Variants in MECOM observed in about 807,000 individuals in gnomAD.
MECOM encodes the protein histone-lysine N-methyltransferase MECOM.
In MECOM, 13 loss-of-function variants were observed where a neutral mutation model predicts 116.3. The ratio of observed to expected loss-of-function variants is 0.11; its 90% CI spans 0.07 to 0.18. The LOEUF (loss-of-function observed/expected upper bound fraction) is 0.18, where lower values mean the gene tolerates loss of function less well. Ranked by LOEUF, MECOM falls within the 10% of genes least tolerant of loss-of-function variation. The pLI, the probability that MECOM is intolerant of heterozygous loss-of-function variation, is 1.00. For missense variants in MECOM, 1,299 were observed against 1,509.0 expected, an observed-to-expected ratio of 0.86 and a Z score of 2.31; for synonymous variants, 528 against 535.2, an observed-to-expected ratio of 0.99 and a Z score of 0.19.
intron 5 of MECOM, among the ~76,000 whole-genome samples, chr3:169,124,356 GAGAGACAGAC>G (rs943114360): frequency 1.2e-4 from 19 of 152,190 alleles, no homozygotes; most frequent in South Asian, 4.2e-4. Context: ...GTGGTGGAGA[GAGAGACAGAC>G]AGAGACAGAA....
intron 2 of MECOM, among the ~76,000 whole-genome samples, chr3:169,264,400 TG>T (rs1323303209): frequency 6.6e-6 from 1 of 152,216 alleles, no homozygotes; most frequent in Non-Finnish European, 1.5e-5. Flanking sequence ...TACATGTCTT[TG>T]TTTTTATTGT....
intron 1 of MECOM, among the ~76,000 whole-genome samples, chr3:169,560,534 T>C (rs1199570857): frequency 6.6e-6 from 1 of 152,122 alleles, no homozygotes; most frequent in Non-Finnish European, 1.5e-5. Context: ...TCTAAGAAAA[T>C]AATATAAAAT....
intron 1 of MECOM, among the ~76,000 whole-genome samples, chr3:169,563,261 C>G (rs1219534131): frequency 6.6e-6 from 1 of 152,180 alleles, no homozygotes; most frequent in African/African-American, 2.4e-5. Flanking sequence ...CCCTGGAGAA[C>G]AGGCATGGGG....
chr3:169,318,645 T>C (rs988204979), intron 2 of MECOM, among the ~76,000 whole-genome samples: 1 of 152,072 alleles, frequency 6.6e-6, no homozygotes, highest in African/African-American at 2.4e-5. Flanking sequence ...TGTGGATAAA[T>C]AGGAATGCTT....
intron 1 of MECOM, among the ~76,000 whole-genome samples, chr3:169,657,770 C>T (rs1000819297): frequency 2.0e-5 from 3 of 152,242 alleles, no homozygotes; most frequent in African/African-American, 7.2e-5. Context: ...AGCAATATGT[C>T]ACACTTTTGA....
intron 2 of MECOM, among the ~76,000 whole-genome samples, chr3:169,319,177 A>G (rs1024992352): frequency 1.3e-5 from 2 of 152,186 alleles, no homozygotes; most frequent in Non-Finnish European, 2.9e-5. Context: ...AAACAACCCA[A>G]ATGCCCATCA....
intron 1 of MECOM, among the ~76,000 whole-genome samples, chr3:169,582,806 A>C (rs747149486): frequency 1.3e-5 from 2 of 152,240 alleles, no homozygotes; most frequent in African/African-American, 2.4e-5. Flanking sequence ...GTTCCTTCCT[A>C]GAGCCTTCCT....
chr3:169,495,913 G>A (rs763764508), intron 1 of MECOM, among the ~76,000 whole-genome samples: 6 of 152,180 alleles, frequency 3.9e-5, no homozygotes, highest in Non-Finnish European at 5.9e-5. Flanking sequence ...TAAGACTGAT[G>A]TGAGGATCTC....
intron 2 of MECOM, chr3:169,269,344 C>T (rs2149647208): frequency 6.7e-6 from 1 of 150,194 alleles, no homozygotes; most frequent in East Asian, 2.0e-4. Context: ...CATCCTGTAT[C>T]TGTATACAGC....
In MECOM at chr3:169,522,832, G is replaced by T. The variant is rs2077971; in HGVS notation, c.37+140504C>A. ...CACTTGGCCAGATTTTATAAGTAGT[G>T]CTCTGAAGTAGTGAATGTTTTTAGT... On this transcript the variant is annotated intron_variant, in intron 1 of 16. Transcript: ENST00000651503. 0.017 allele frequency among the ~76,000 whole-genome samples: 2,660 copies of T among 152,282 alleles called. 235 individuals are homozygous for T. The East Asian group carries it at 0.3, about 17-fold the overall frequency.
chr3:169,340,794 T>C (rs1411383842), intron 2 of MECOM, among the ~76,000 whole-genome samples: 1 of 152,172 alleles, frequency 6.6e-6, no homozygotes, highest in Non-Finnish European at 1.5e-5. Context: ...TCAAGATGAT[T>C]TAGGGGATAA....
In MECOM at chr3:169,663,398, G is replaced by C. The variant is rs750226492; in HGVS notation, c.-26C>G. 1.2e-6 allele frequency: 2 copies of C among 1,604,990 alleles called. No homozygotes were observed. Among genetic ancestry groups the C allele is most frequent in the South Asian group, 2.2e-5 (2 of 89,068 alleles). ...GCTGTGCCCAGTCCTGCAGCCGCTG[G>C]TGTGTGGTTGGGGCTTTTTTTTCTT... is the stretch of plus-strand genomic sequence containing the variant. On this transcript the variant is annotated 5_prime_UTR_variant, in exon 1 of 17. Coordinates refer to ENST00000651503, the MANE Select transcript of MECOM (RefSeq NM_004991.4).
intron 2 of MECOM, among the ~76,000 whole-genome samples, chr3:169,230,181 C>A (rs945138311): frequency 5.9e-5 from 9 of 151,922 alleles, no homozygotes; most frequent in Non-Finnish European, 7.4e-5. Context: ...CCCTCCAGGC[C>A]AGAACTTTGA....
At chr3:169,433,214 A>G (rs1055750477) in intron 1 of MECOM, among the ~76,000 whole-genome samples, 3 of 152,208 alleles carry the variant, frequency 2.0e-5, no homozygotes, top group Admixed American at 6.5e-5. Flanking sequence ...CACACCTGTA[A>G]TCACAGCACT....
intron 2 of MECOM, among the ~76,000 whole-genome samples, chr3:169,190,015 G>T (rs974873830): frequency 3.9e-5 from 6 of 151,942 alleles, no homozygotes; most frequent in African/African-American, 1.4e-4. Context: ...TGTAGCAGAT[G>T]GGCTGCTTAT....
intron 2 of MECOM, chr3:169,269,343 T>C (rs1758668992): frequency 6.6e-6 from 1 of 151,204 alleles, no homozygotes; most frequent in South Asian, 2.1e-4. Flanking sequence ...CCATCCTGTA[T>C]CTGTATACAG....
chr3:169,387,523 A>T (rs1274744123), intron 1 of MECOM, among the ~76,000 whole-genome samples: 1 of 152,224 alleles, frequency 6.6e-6, no homozygotes, highest in Non-Finnish European at 1.5e-5. Context: ...ATCATTAGTG[A>T]TAGTAACATG....
chr3:169,476,128 A>G (rs952796508), intron 1 of MECOM, among the ~76,000 whole-genome samples: 1 of 152,184 alleles, frequency 6.6e-6, no homozygotes, highest in African/African-American at 2.4e-5. Flanking sequence ...GGAAACATAT[A>G]TATAGTATTA....
intron 2 of MECOM, among the ~76,000 whole-genome samples, chr3:169,179,775 C>T (rs778927261): frequency 2.0e-5 from 3 of 152,138 alleles, no homozygotes; most frequent in African/African-American, 7.2e-5. Context: ...AAAAGTTTTT[C>T]AAATTCAGCT....
Sources: gnomAD v4.1 joint callset for allele counts (sites outside exome capture counted in the v4.1 genomes callset) on GRCh38, gnomAD v4.1.1 for gene constraint, MANE v1.5 for transcripts, NCBI Gene and HGNC (gene_info 2026-07-23, HGNC 2026-07-21) for gene names.